Variants in PREX1 observed in about 807,000 individuals in gnomAD.
PREX1 encodes the protein phosphatidylinositol-3,4,5-trisphosphate dependent Rac exchange factor 1.
In PREX1, 41 loss-of-function variants were observed where a neutral mutation model predicts 198.3. That is an observed-to-expected ratio of 0.21 (90% confidence interval 0.16 to 0.27). The LOEUF is 0.27. PREX1 is among the 10% of genes least tolerant of loss of function. The pLI, the probability that PREX1 is intolerant of heterozygous loss-of-function variation, is 1.00. For synonymous variants in PREX1, 843 were observed against 887.2 expected, an observed-to-expected ratio of 0.95 and a Z score of 0.89; for missense variants, 1,620 against 2,200.7, an observed-to-expected ratio of 0.74 and a Z score of 5.28.
intron 11 of PREX1, among the ~76,000 whole-genome samples, chr20:48,680,150 A>C (rs912213841): frequency 5.9e-5 from 9 of 152,142 alleles, no homozygotes; most frequent in African/African-American, 1.7e-4. Context: ...GCCTGAGACC[A>C]CATTGCTGAG....
chr20:48,658,029 C>A (rs759711215), intron 17 of PREX1, 107 bp downstream of exon 17: 4 of 1,095,694 alleles, frequency 3.7e-6, no homozygotes, highest in Non-Finnish European at 5.3e-6. Flanking sequence ...GAGGAGTCAG[C>A]GATCATTCCA....
At position 48,697,384 on chromosome 20, in the gene PREX1, C is replaced by CTT. The variant is rs11289036; in HGVS notation, c.917+3367_917+3368dup. Among the ~76,000 whole-genome samples the CTT allele has an allele frequency of 1.9e-3, 257 of 138,850 alleles. 2 individuals carry two copies. The highest frequency in any genetic ancestry group is 6.8e-3 in the African/African-American group (246 of 36,444). 91.1% of individuals were successfully genotyped at this position (138,850 alleles called of 152,430 possible). ...AGCCTCTGTGTTCTTTTTTTCTTTT[C>CTT]TTTTTTTTTTTTTTGAGACAGAGTC... On this transcript the variant is annotated intron_variant, in intron 7 of 39. Transcript: ENST00000371941.
Position 48,768,426 on chromosome 20 carries a change from G to A in PREX1, c.220-20546C>T, listed in dbSNP as rs540295272. 9.9e-4 allele frequency among the ~76,000 whole-genome samples: 151 copies of A among 152,308 alleles called. 1 individual carries two copies. Among genetic ancestry groups the A allele is most frequent in the African/African-American group, 3.4e-3 (143 of 41,572 alleles). ...CGAAAGAAGCCAGACACAAAAGGGT[G>A]CAGCCACCCGTGGGATTCCACATCT... On this transcript the variant is annotated intron_variant, in intron 1 of 39. Coordinates refer to ENST00000371941, the MANE Select transcript of PREX1 (RefSeq NM_020820.4).
chr20:48,647,890 CT>C (rs1305437472), intron 25 of PREX1, among the ~76,000 whole-genome samples: 1 of 152,152 alleles, frequency 6.6e-6, no homozygotes, highest in Admixed American at 6.5e-5. Flanking sequence ...ATCCCCATCA[CT>C]TTTTATTTCC....
At chr20:48,792,960 CTT>C (rs961030382) in intron 1 of PREX1, among the ~76,000 whole-genome samples, 12 of 152,106 alleles carry the variant, frequency 7.9e-5, no homozygotes, top group African/African-American at 2.7e-4. Flanking sequence ...AATCCCAGCA[CTT>C]TGAGAGGCAA....
At chr20:48,765,246 T>C (rs1157353729) in intron 1 of PREX1, among the ~76,000 whole-genome samples, 1 of 152,244 alleles carries the variant, frequency 6.6e-6, no homozygotes, top group Non-Finnish European at 1.5e-5. Flanking sequence ...GGCATATGTT[T>C]AGTAAGCTGC....
the PREX1 span, among the ~76,000 whole-genome samples, chr20:48,837,628 A>T: frequency 6.6e-6 from 1 of 152,204 alleles, no homozygotes; most frequent in Non-Finnish European, 1.5e-5. Context: ...ACGAGAACTC[A>T]TGGACGCAGA....
At chr20:48,830,417 T>C (rs570736030), upstream of PREX1, among the ~76,000 whole-genome samples, 3 of 152,318 alleles carry the variant, frequency 2.0e-5, no homozygotes, top group African/African-American at 4.8e-5. Flanking sequence ...GGGGACAGAA[T>C]TGCCCCCTGT....
chr20:48,755,874 GCTA>G (rs1182092594), intron 1 of PREX1, among the ~76,000 whole-genome samples: 1 of 152,060 alleles, frequency 6.6e-6, no homozygotes, highest in Non-Finnish European at 1.5e-5. Flanking sequence ...CAATGAACAT[GCTA>G]CTTTTTAAGC....
At chr20:48,762,384 T>C (rs1012250591) in intron 1 of PREX1, among the ~76,000 whole-genome samples, 9 of 152,150 alleles carry the variant, frequency 5.9e-5, no homozygotes, top group Admixed American at 5.2e-4. Flanking sequence ...CTGAGTATTA[T>C]AAGACACTCA....
chr20:48,722,034 CA>C (rs1225945074), intron 5 of PREX1, among the ~76,000 whole-genome samples: 5 of 152,078 alleles, frequency 3.3e-5, no homozygotes, highest in African/African-American at 1.2e-4. Flanking sequence ...GCCAGACACT[CA>C]AATGCAGAAA....
chr20:48,658,426 G>A (rs1343218017), intron 16 of PREX1, among the ~76,000 whole-genome samples, 198 bp from the exon 17 acceptor site: 2 of 152,260 alleles, frequency 1.3e-5, no homozygotes, highest in South Asian at 2.1e-4. Flanking sequence ...CTGGCTTAAC[G>A]AATCACACGG....
rs531269228 is a variant in PREX1, at chr20:48,734,652, T to C, written c.415-2A>G. 1 of 1,613,776 alleles carries C rather than the reference T, an allele frequency of 6.2e-7. No homozygotes were observed. The highest frequency in any genetic ancestry group is 1.1e-5 in the South Asian group (1 of 91,076). On this transcript the variant is annotated splice_acceptor_variant, in intron 3 of 39. Transcript: ENST00000371941. LOFTEE classifies it high-confidence loss of function. Reference sequence around the variant, plus strand: ...CTCGTACACGCAGAACTTGTCCTTCTGCAAGACAAGGACAGAGCCTGTGGG... The same window carrying C: ...CTCGTACACGCAGAACTTGTCCTTCCGCAAGACAAGGACAGAGCCTGTGGG...
At chr20:48,710,714 G>A (rs552021016) in intron 5 of PREX1, among the ~76,000 whole-genome samples, 1 of 152,368 alleles carries the variant, frequency 6.6e-6, no homozygotes, top group South Asian at 2.1e-4. Flanking sequence ...TGAGGGAAGT[G>A]CCGTGGTCTG....
intron 1 of PREX1, among the ~76,000 whole-genome samples, chr20:48,749,855 AT>A (rs1229107207): frequency 2.0e-5 from 3 of 151,924 alleles, no homozygotes; most frequent in Non-Finnish European, 4.4e-5. Context: ...CCAAGGTCTG[AT>A]TTTTTATTAA....
intron 7 of PREX1, among the ~76,000 whole-genome samples, chr20:48,700,172 C>T (rs974851943): frequency 3.3e-5 from 5 of 152,218 alleles, no homozygotes; most frequent in African/African-American, 7.2e-5. Flanking sequence ...CTATCCTGAC[C>T]CTCCAAAAAC....
In PREX1 at chr20:48,805,710, C is replaced by T. The variant is rs542292810; in HGVS notation, c.219+21932G>A. On this transcript the variant is annotated intron_variant, in intron 1 of 39. Coordinates refer to ENST00000371941, the MANE Select transcript of PREX1 (RefSeq NM_020820.4). Reference sequence around the variant, plus strand: ...CACCTCACCCCTCTGTGCCCCCCAACAGCCACCAACTCTTGAGAGAGACAC... The same window carrying T: ...CACCTCACCCCTCTGTGCCCCCCAATAGCCACCAACTCTTGAGAGAGACAC... Among the ~76,000 whole-genome samples, 8 of 152,284 alleles carry T rather than the reference C, an allele frequency of 5.3e-5. No homozygotes were observed. The South Asian group carries it at 1.5e-3, about 28-fold the overall frequency.
chr20:48,789,199 G>T (rs1476563858), intron 1 of PREX1, among the ~76,000 whole-genome samples: 1 of 152,076 alleles, frequency 6.6e-6, no homozygotes, highest in South Asian at 2.1e-4. Context: ...ATTCAGAATG[G>T]AACAAGTTCC....
At chr20:48,651,805 C>T (rs879282214) in intron 21 of PREX1, among the ~76,000 whole-genome samples, 7 of 152,166 alleles carry the variant, frequency 4.6e-5, no homozygotes, top group Admixed American at 4.6e-4. Context: ...AAGGCCTGGC[C>T]CTGAGGACAG....
Sources: gnomAD v4.1 joint callset for allele counts (sites outside exome capture counted in the v4.1 genomes callset) on GRCh38, gnomAD v4.1.1 for gene constraint, MANE v1.5 for transcripts, NCBI Gene and HGNC (gene_info 2026-07-23, HGNC 2026-07-21) for gene names.